Variants in GTF2H1 observed in about 807,000 individuals in gnomAD.
GTF2H1 encodes the protein BTF2 p62.
Under a neutral mutation model 71.2 loss-of-function variants are expected in GTF2H1, and 16 were observed. The ratio of observed to expected loss-of-function variants is 0.22; its 90% confidence interval spans 0.15 to 0.34. The LOEUF is 0.34. Ranked by LOEUF, GTF2H1 falls within the 10% of genes least tolerant of loss-of-function variation. GTF2H1 has a pLI of 1.00. For missense variants in GTF2H1, 498 were observed against 648.2 expected (o/e 0.77, Z 2.52); for synonymous variants, 215 against 219.0 (o/e 0.98, Z 0.16).
At position 18,347,651 on chromosome 11, in the gene GTF2H1, G is replaced by T; in HGVS notation, c.901G>T (p.Ala301Ser). 6.2e-7 allele frequency: 1 copy of T among 1,611,428 alleles called. No individual in the cohort carries two copies. Among genetic ancestry groups the T allele is most frequent in the Non-Finnish European group, 8.5e-7 (1 of 1,177,560 alleles). The stretch of plus-strand genomic sequence containing the variant: ...TAAATCCATAAAAGAGAATAGTAAT[G>T]CTGCCATCATCAAGAGATTTAACCA... ...NSKSIKENSN[A>S]AIIKRFNHHS... The change falls in exon 8 of 15, where the codon GCT becomes TCT. Residue 301 changes from alanine to serine, a missense_variant. Ala to Ser is a moderately conservative substitution (Grantham distance 99). Around this residue, in one of 3 missense-constraint regions of GTF2H1, gnomAD observed 266 missense variants for 301.6 expected, o/e 0.88. Coordinates refer to ENST00000265963, the MANE Select transcript of GTF2H1 (RefSeq NM_005316.4).
At chr11:18,342,252 C>CTTTT (rs71047585) in intron 7 of GTF2H1, among the ~76,000 whole-genome samples, 5 of 72,720 alleles carry the variant, frequency 6.9e-5, no homozygotes, top group Non-Finnish European at 1.2e-4. Flanking sequence ...TTTTCTGTCT[C>CTTTT]TTTTTTTTTT....
chr11:18,341,254 T>C lies in GTF2H1; in HGVS notation c.608-7T>C, dbSNP rs752225867. On this transcript the variant is annotated splice_region_variant and splice_polypyrimidine_tract_variant and intron_variant, in intron 5 of 14. Coordinates refer to ENST00000265963, the MANE Select transcript of GTF2H1 (RefSeq NM_005316.4). The stretch of plus-strand genomic sequence containing the variant: ...AGTATATAATATTTGTGGGTTTTTT[T>C]CCACAGTAAAAATGAAATATGCAGA... The C allele has an allele frequency of 1.5e-4, 246 of 1,603,492 alleles. No homozygotes were observed. The highest frequency in any genetic ancestry group is 6.9e-4 in the African/African-American group (51 of 74,340).
chr11:18,360,543 A>G (rs546695444), intron 13 of GTF2H1, 72 bp from the exon 14 acceptor site: 1 of 698,208 alleles, frequency 1.4e-6, no homozygotes, highest in Admixed American at 2.9e-5. Flanking sequence ...TTTCATATGT[A>G]GAAGATTGTT....
chr11:18,355,813 G>A (rs1865531473), intron 11 of GTF2H1, among the ~76,000 whole-genome samples: 2 of 152,230 alleles, frequency 1.3e-5, no homozygotes, highest in South Asian at 4.1e-4. Context: ...TATTCTACAA[G>A]TTTTGATAAA....
At chr11:18,333,790 A>G (rs933034610) in intron 2 of GTF2H1, among the ~76,000 whole-genome samples, 3 of 152,206 alleles carry the variant, frequency 2.0e-5, no homozygotes, top group African/African-American at 7.2e-5. Context: ...ATGCTTGGCC[A>G]GGTTTATGCA....
chr11:18,339,939 G>T (rs571982243), intron 5 of GTF2H1, among the ~76,000 whole-genome samples: 1 of 151,998 alleles, frequency 6.6e-6, no homozygotes, highest in Non-Finnish European at 1.5e-5. Context: ...ATTACTTCCC[G>T]TGCAGATGCC....
Position 18,365,870 on chromosome 11 carries a change from G to A in GTF2H1, c.*1G>A, listed in dbSNP as rs886115142. 1.9e-6 allele frequency: 3 copies of A among 1,607,666 alleles called. No individual in the cohort carries two copies. Among genetic ancestry groups the A allele is most frequent in the South Asian group, 1.1e-5 (1 of 90,944 alleles). ...ACGGCGTCTGATGAAGAAAACGTGA[G>A]GTGGCCATGATGCTTACAGGTTTTG... On this transcript the variant is annotated 3_prime_UTR_variant, in exon 15 of 15. Coordinates refer to ENST00000265963, the MANE Select transcript of GTF2H1 (RefSeq NM_005316.4).
At position 18,333,195 on chromosome 11, in the gene GTF2H1, T is replaced by C. The variant is rs766689030; in HGVS notation, c.121T>C (p.Phe41Leu). ...TTGGGCACCTGAAGGCAAAGATAGATTTACAATCAGCCATATGTATGCAGA... is the reference window on the plus strand; with the variant it reads ...TTGGGCACCTGAAGGCAAAGATAGACTTACAATCAGCCATATGTATGCAGA... ...IAWAPEGKDR[F>L]TISHMYADIK... The change falls in exon 2 of 15, where the codon TTT (phenylalanine) becomes CTT (leucine). Residue 41 changes from phenylalanine to leucine, a missense_variant. Phe to Leu is a conservative substitution (Grantham distance 22, BLOSUM62 0). Transcript: ENST00000265963. 7 of 1,613,636 alleles carry C rather than the reference T, an allele frequency of 4.3e-6. No individual in the cohort carries two copies. In the Admixed American group the frequency reaches 1.2e-4, roughly 27 times the overall value.
intron 14 of GTF2H1, among the ~76,000 whole-genome samples, chr11:18,362,662 CTTTTTCTTTTTTTTTT>C (rs1865730555): frequency 1.4e-5 from 1 of 72,102 alleles, no homozygotes; most frequent in Admixed American, 1.7e-4. Context: ...TATATTTTTT[CTTTTTCTTTTTTTTTT>C]TTTTTTTTTT....
chr11:18,354,599 T>TA (rs1217858231), intron 11 of GTF2H1, among the ~76,000 whole-genome samples: 1 of 152,048 alleles, frequency 6.6e-6, no homozygotes, highest in African/African-American at 2.4e-5. Context: ...ACAACAAACT[T>TA]ACATCTGGTA....
chr11:18,346,733 C>CTTTTTTTTTTTTTTTTTTTTTTTTTATTT (rs35494754), intron 7 of GTF2H1, among the ~76,000 whole-genome samples: 1 of 85,216 alleles, frequency 1.2e-5, no homozygotes, highest in Non-Finnish European at 2.1e-5. Flanking sequence ...TTTTTATTTA[C>CTTTTTTTTTTTTTTTTTTTTTTTTTATTT]TTTTTTTTTT....
chr11:18,349,354 T>C (rs1012981882), intron 9 of GTF2H1, among the ~76,000 whole-genome samples: 2 of 152,202 alleles, frequency 1.3e-5, no homozygotes, highest in Admixed American at 6.5e-5. Context: ...ACTGTTGGGC[T>C]GAGTACCCTT....
At chr11:18,326,464 G>A (rs1864768930) in intron 1 of GTF2H1, among the ~76,000 whole-genome samples, 1 of 151,832 alleles carries the variant, frequency 6.6e-6, no homozygotes, top group Non-Finnish European at 1.5e-5. Context: ...GGAGGTTGCA[G>A]TAAGCCGAAA....
chr11:18,348,114 T>A, intron 9 of GTF2H1, 195 bp downstream of exon 9: 2 of 596,328 alleles, frequency 3.4e-6, no homozygotes, highest in East Asian at 5.6e-5. Flanking sequence ...CCATTGACTC[T>A]AGCCTGTTAG....
At chr11:18,326,116 T>C (rs1864759225) in intron 1 of GTF2H1, 1 of 152,234 alleles carries the variant, frequency 6.6e-6, no homozygotes. Context: ...CCAGGCAAAT[T>C]AGCTGTGAGA....
chr11:18,345,925 G>A (rs1478123421), intron 7 of GTF2H1, among the ~76,000 whole-genome samples: 3 of 151,942 alleles, frequency 2.0e-5, no homozygotes, highest in South Asian at 2.1e-4. Context: ...TGAGTAGCTG[G>A]GACTACAGGC....
rs1865333382 is a variant in GTF2H1, at chr11:18,347,836, G to C, written c.970G>C (p.Ala324Pro). 1.9e-6 allele frequency: 3 copies of C among 1,603,424 alleles called. No homozygotes were observed. Among genetic ancestry groups the C allele is most frequent in the East Asian group, 4.5e-5 (2 of 44,780 alleles). ...VLAAGLRKQE[A>P]QNEQTSEPSN... ...TTTTTTCCCCTTTATTTTAAGAGAA[G>C]CACAAAATGAACAAACTAGTGAGCC... is the stretch of plus-strand genomic sequence containing the variant. The change falls in exon 9 of 15, where the codon GCA becomes CCA. Residue 324 changes from alanine (A) to proline (P), a missense_variant. Around this residue, in one of 3 missense-constraint regions of GTF2H1, gnomAD observed 266 missense variants for 301.6 expected, o/e 0.88. Coordinates refer to ENST00000265963, the MANE Select transcript of GTF2H1 (RefSeq NM_005316.4).
In GTF2H1 at chr11:18,322,760, T is replaced by A. The variant is rs1360658543; in HGVS notation, c.-16+20T>A. The A allele has an allele frequency of 4.1e-4, 4 of 9,848 alleles. No individual in the cohort carries two copies. Among genetic ancestry groups the A allele is most frequent in the Non-Finnish European group, 7.3e-4 (4 of 5,480 alleles). 0.6% of individuals were successfully genotyped at this position (9,848 alleles called of 1,614,324 possible). On this transcript the variant is annotated intron_variant, in intron 1 of 14. Transcript: ENST00000265963. ...CACCTGGTAAGTTTAGACCGAAGAATGCAGGCGGGCGGGTGGGTGGGCGGG... is the reference window on the plus strand; with the variant it reads ...CACCTGGTAAGTTTAGACCGAAGAAAGCAGGCGGGCGGGTGGGTGGGCGGG...
intron 7 of GTF2H1, among the ~76,000 whole-genome samples, chr11:18,346,733 C>CTTTTTTTTTTTTTTTTTTTTT (rs35494754): frequency 3.5e-5 from 3 of 85,226 alleles, no homozygotes; most frequent in Admixed American, 1.8e-4. Flanking sequence ...TTTTTATTTA[C>CTTTTTTTTTTTTTTTTTTTTT]TTTTTTTTTT....
Sources: allele counts gnomAD v4.1 joint callset (sites outside exome capture counted in the v4.1 genomes callset), GRCh38; gene constraint gnomAD v4.1.1; regional missense constraint gnomAD v4.1.1; transcripts MANE v1.5; gene names NCBI Gene and HGNC (gene_info 2026-07-23, HGNC 2026-07-21).